Variants in RNF216 observed in about 807,000 individuals in gnomAD.
The protein encoded by RNF216 is ring finger protein 216.
In RNF216, 72 loss-of-function variants were observed where a neutral mutation model predicts 110.8. The ratio of observed to expected loss-of-function variants is 0.65; its 90% CI spans 0.54 to 0.79. The LOEUF (loss-of-function observed/expected upper bound fraction) is 0.79, where lower values mean the gene tolerates loss of function less well. RNF216 is among the 30% of genes least tolerant of loss of function. RNF216 has a pLI of 0.00. For synonymous variants in RNF216, 495 were observed against 407.5 expected, an observed-to-expected ratio of 1.21 and a Z score of -2.59; for missense variants, 1,342 against 1,141.2, an observed-to-expected ratio of 1.18 and a Z score of -2.54.
intron 3 of RNF216, among the ~76,000 whole-genome samples, chr7:5,752,555 G>A (rs1795386855): frequency 6.6e-6 from 1 of 152,152 alleles, no homozygotes; most frequent in African/African-American, 2.4e-5. Flanking sequence ...GGATAATATG[G>A]AAAATATAAG....
intron 1 of RNF216, among the ~76,000 whole-genome samples, chr7:5,767,307 T>C (rs1053484622): frequency 6.6e-6 from 1 of 152,172 alleles, no homozygotes; most frequent in Non-Finnish European, 1.5e-5. Context: ...TGAAGGCATA[T>C]GCCAAATCTT....
chr7:5,702,074 C>T (rs774877218), intron 13 of RNF216, among the ~76,000 whole-genome samples: 2 of 152,158 alleles, frequency 1.3e-5, no homozygotes, highest in Non-Finnish European at 2.9e-5. Flanking sequence ...AGGTCGCTGC[C>T]GGGTTCTCGG....
chr7:5,754,133 TG>T, intron 2 of RNF216, among the ~76,000 whole-genome samples: 1 of 148,046 alleles, frequency 6.8e-6, no homozygotes, highest in Admixed American at 6.7e-5. Flanking sequence ...TGTGTGTGTG[TG>T]TGTGTGTGTG....
intron 13 of RNF216, among the ~76,000 whole-genome samples, chr7:5,679,732 C>T (rs1034191868): frequency 6.6e-6 from 1 of 151,902 alleles, no homozygotes; most frequent in African/African-American, 2.4e-5. Flanking sequence ...AAAAGAAAGG[C>T]AGGCACCACT....
intron 13 of RNF216, among the ~76,000 whole-genome samples, chr7:5,700,502 T>A (rs1240213858): frequency 6.6e-6 from 1 of 152,146 alleles, no homozygotes; most frequent in Non-Finnish European, 1.5e-5. Flanking sequence ...TAGTAAAATA[T>A]ACAAAGGAAC....
Position 5,710,377 on chromosome 7 carries a change from AC to A in RNF216, c.2061+1383del, listed in dbSNP as rs781736620. 1.5e-3 allele frequency among the ~76,000 whole-genome samples: 222 copies of A among 151,234 alleles called. 2 individuals are homozygous for A. Among genetic ancestry groups the A allele is most frequent in the African/African-American group, 4.9e-3 (204 of 41,230 alleles). ...CCTGCCTCAAAACTTAAAAACAAAA[AC>A]AAAAACAAAAAACGTCCTCAGAGAA... On this transcript the variant is annotated intron_variant, in intron 13 of 16. Transcript: ENST00000389902.
chr7:5,713,915 G>A (rs1249814357), intron 11 of RNF216, among the ~76,000 whole-genome samples: 1 of 152,226 alleles, frequency 6.6e-6, no homozygotes, highest in Non-Finnish European at 1.5e-5. Flanking sequence ...AATTGCTCAA[G>A]ATCACAGGGC....
At chr7:5,626,152 G>A (rs1786688472) in intron 15 of RNF216, among the ~76,000 whole-genome samples, 1 of 152,310 alleles carries the variant, frequency 6.6e-6, no homozygotes, top group Admixed American at 6.5e-5. Context: ...TCTCTCCAGG[G>A]TTAACACATA....
At chr7:5,755,045 G>A (rs1795547690) in intron 2 of RNF216, among the ~76,000 whole-genome samples, 2 of 141,930 alleles carry the variant, frequency 1.4e-5, no homozygotes, top group South Asian at 4.8e-4. Flanking sequence ...AAAAAAAAAA[G>A]GAAACAAGGG....
intron 1 of RNF216, among the ~76,000 whole-genome samples, chr7:5,774,664 C>T (rs1796678384): frequency 6.6e-6 from 1 of 151,938 alleles, no homozygotes; most frequent in Non-Finnish European, 1.5e-5. Flanking sequence ...ATCAAAATAG[C>T]TGCATTGTAA....
At chr7:5,762,282 G>A (rs1395532327) in intron 1 of RNF216, among the ~76,000 whole-genome samples, 2 of 152,058 alleles carry the variant, frequency 1.3e-5, no homozygotes, top group African/African-American at 4.8e-5. Flanking sequence ...CAGCTCTTAG[G>A]GAGGCTGAGG....
intron 14 of RNF216, among the ~76,000 whole-genome samples, chr7:5,643,231 G>A (rs1787849133): frequency 1.3e-5 from 2 of 152,044 alleles, no homozygotes; most frequent in African/African-American, 4.8e-5. Context: ...CTTTGCTTCT[G>A]CATTTGTAAG....
rs1794425854 is a variant in RNF216 at position 5,736,632 on chromosome 7, G to A, written c.1121+2644C>T. 2.0e-5 allele frequency among the ~76,000 whole-genome samples: 3 copies of A among 151,648 alleles called. No homozygotes were observed. The South Asian group carries it at 6.2e-4, about 32-fold the overall frequency. ...TGCCCGGCTGCCCAGTCTGGGAAGT[G>A]AGGAGCGCCTCTTCCCGGCCACCAT... On this transcript the variant is annotated intron_variant, in intron 5 of 16. Coordinates refer to ENST00000389902, the MANE Select transcript of RNF216 (RefSeq NM_207111.4).
intron 15 of RNF216, among the ~76,000 whole-genome samples, chr7:5,638,357 G>A (rs899399202): frequency 5.3e-5 from 8 of 152,176 alleles, no homozygotes; most frequent in African/African-American, 1.9e-4. Flanking sequence ...ACAACTCAGT[G>A]AACAGTGTTG....
At chr7:5,729,283 A>G in intron 7 of RNF216, 149 bp downstream of exon 7, 2 of 711,472 alleles carry the variant, frequency 2.8e-6, no homozygotes, top group Non-Finnish European at 4.9e-6. Flanking sequence ...CGTCACGATG[A>G]GCAAATACCC....
In RNF216 at chr7:5,620,284, G is replaced by A. The variant is rs1786273216; in HGVS notation, c.*2576C>T. The A allele has an allele frequency of 1.3e-5, 2 of 152,170 alleles. No homozygotes were observed. The highest frequency in any genetic ancestry group is 1.3e-4 in the Admixed American group (2 of 15,282). 9.4% of individuals were successfully genotyped at this position (152,170 alleles called of 1,614,324 possible). A position where few individuals can be genotyped will look rare whatever the true frequency, so the allele number is the denominator to read the frequency against. On this transcript the variant is annotated 3_prime_UTR_variant, in exon 17 of 17. Transcript: ENST00000389902. The stretch of plus-strand genomic sequence containing the variant: ...CTAGATTCCTCTCTCCAGTTTTAAG[G>A]CAAGTAAGAGGGGGCTGTGGCTGGG...
chr7:5,737,460 C>T (rs1207709445), intron 5 of RNF216, among the ~76,000 whole-genome samples: 2 of 152,096 alleles, frequency 1.3e-5, no homozygotes, highest in African/African-American at 4.8e-5. Context: ...CTTCCCTCCA[C>T]TATTGTCCTG....
intron 13 of RNF216, among the ~76,000 whole-genome samples, chr7:5,694,553 A>G (rs1048402905): frequency 1.3e-5 from 2 of 152,226 alleles, no homozygotes; most frequent in African/African-American, 4.8e-5. Flanking sequence ...AGACAGTCAG[A>G]ATTAAGGTAA....
intron 1 of RNF216, among the ~76,000 whole-genome samples, chr7:5,769,615 A>G (rs913015231): frequency 1.3e-5 from 2 of 151,934 alleles, no homozygotes; most frequent in African/African-American, 2.4e-5. Context: ...TACCAGCTAC[A>G]TGGGAGGCCG....
Sources: gnomAD v4.1 joint callset for allele counts (sites outside exome capture counted in the v4.1 genomes callset) on GRCh38, gnomAD v4.1.1 for gene constraint, MANE v1.5 for transcripts, NCBI Gene and HGNC (gene_info 2026-07-23, HGNC 2026-07-21) for gene names.